Variants in NAV2 observed in about 807,000 individuals in gnomAD.
NAV2 encodes the protein neuron navigator 2.
A neutral mutation model predicts 223.2 loss-of-function variants in NAV2; 54 were observed. The observed-to-expected ratio is 0.24, with a 90% confidence interval of 0.19 to 0.30. NAV2 has a LOEUF of 0.30. Among genes scored for constraint, NAV2 ranks in the 10% least tolerant of loss-of-function variants. The pLI is 1.00. For synonymous variants in NAV2, 1,279 were observed against 1,239.3 expected, an observed-to-expected ratio of 1.03 and a Z score of -0.67; for missense variants, 2,806 against 3,147.5, an observed-to-expected ratio of 0.89 and a Z score of 2.60.
chr11:20,060,085 A>G (rs2058609308), intron 19 of NAV2, among the ~76,000 whole-genome samples: 1 of 152,248 alleles, frequency 6.6e-6, no homozygotes. Flanking sequence ...TAAGCCTGCC[A>G]GATGTGCTCT....
At chr11:19,787,284 T>A (rs1167774459) in intron 1 of NAV2, among the ~76,000 whole-genome samples, 3 of 142,208 alleles carry the variant, frequency 2.1e-5, no homozygotes, top group African/African-American at 5.3e-5. Flanking sequence ...TTTTTTTTTT[T>A]TTTTTTTTTT....
chr11:19,883,853 T>C (rs997844386), intron 5 of NAV2, among the ~76,000 whole-genome samples: 1 of 152,168 alleles, frequency 6.6e-6, no homozygotes, highest in Admixed American at 6.5e-5. Flanking sequence ...GGGTATAGGT[T>C]TGCAAACATC....
intron 5 of NAV2, among the ~76,000 whole-genome samples, chr11:19,886,404 A>T (rs2040982080): frequency 6.6e-6 from 1 of 152,056 alleles, no homozygotes; most frequent in Non-Finnish European, 1.5e-5. Flanking sequence ...CGTTACCCAG[A>T]CTCGGTGGAG....
At chr11:19,937,357 C>CCG (rs2045998149) in intron 7 of NAV2, among the ~76,000 whole-genome samples, 1 of 151,244 alleles carries the variant, frequency 6.6e-6, no homozygotes, top group African/African-American at 2.4e-5. Flanking sequence ...TTGCTCCCCC[C>CCG]CCGCCCACCA....
chr11:19,934,159 A>G lies in NAV2; in HGVS notation c.1915A>G (p.Ser639Gly), dbSNP rs755539725. Residue 639 changes from serine (S) to glycine (G), a missense_variant, in exon 7 of 38, where the codon AGT (serine) becomes GGT (glycine). By Grantham distance (56) the Ser-to-Gly change is moderately conservative (BLOSUM62 0). Around this residue, in one of 4 missense-constraint regions of NAV2, gnomAD observed 1,167 missense variants for 1,180.5 expected, o/e 0.99. Coordinates refer to ENST00000349880, the MANE Select transcript of NAV2 (RefSeq NM_145117.5). Reference sequence around the variant, plus strand: ...CCACAGCATCAGCAGCCAGACTGTCAGTGGGTCTGTCGGGACCACCCAGAC... The same window carrying G: ...CCACAGCATCAGCAGCCAGACTGTCGGTGGGTCTGTCGGGACCACCCAGAC... Reference protein sequence around the residue: ...LNHSISSQTVSGSVGTTQTTG... With the variant: ...LNHSISSQTVGGSVGTTQTTG... The G allele has an allele frequency of 1.5e-5, 24 of 1,613,834 alleles. No homozygotes were observed. The South Asian group carries it at 2.0e-4, about 13-fold the overall frequency.
chr11:19,482,045 C>G (rs1400162149), intron 1 of NAV2, among the ~76,000 whole-genome samples: 2 of 152,214 alleles, frequency 1.3e-5, no homozygotes, highest in Admixed American at 1.3e-4. Flanking sequence ...CTGCTTTTAA[C>G]AAAGAAGGAT....
chr11:19,606,481 T>G (rs1014766601), intron 1 of NAV2, among the ~76,000 whole-genome samples: 1 of 152,146 alleles, frequency 6.6e-6, no homozygotes, highest in African/African-American at 2.4e-5. Context: ...CATTTTCCAC[T>G]TTTTTCTCCC....
chr11:19,812,304 A>G (rs942022982), intron 1 of NAV2, among the ~76,000 whole-genome samples: 1 of 151,996 alleles, frequency 6.6e-6, no homozygotes, highest in African/African-American at 2.4e-5. Flanking sequence ...GTCTCTAATC[A>G]AATATTACCT....
intron 20 of NAV2, among the ~76,000 whole-genome samples, chr11:20,067,581 C>T (rs373637092): frequency 6.6e-6 from 1 of 151,860 alleles, no homozygotes; most frequent in South Asian, 2.1e-4. Flanking sequence ...GGGTTCAAGC[C>T]ATTCTCCTGC....
At chr11:19,645,108 C>T (rs917198829) in intron 1 of NAV2, among the ~76,000 whole-genome samples, 14 of 152,156 alleles carry the variant, frequency 9.2e-5, no homozygotes, top group African/African-American at 2.4e-4. Context: ...TTCACCAGGC[C>T]GAAATCAAGG....
intron 1 of NAV2, among the ~76,000 whole-genome samples, chr11:19,796,576 G>A (rs2057912747): frequency 6.6e-6 from 1 of 152,158 alleles, no homozygotes; most frequent in Non-Finnish European, 1.5e-5. Flanking sequence ...CAGCTGTTAG[G>A]AAGCTGAGCC....
At chr11:19,433,513 C>T (rs1396314073) in intron 1 of NAV2, among the ~76,000 whole-genome samples, 1 of 152,216 alleles carries the variant, frequency 6.6e-6, no homozygotes, top group East Asian at 1.9e-4. Context: ...TTGACTATTG[C>T]TTTTTAGGAC....
At chr11:19,782,587 CTT>C (rs2056826972) in intron 1 of NAV2, among the ~76,000 whole-genome samples, 2 of 152,236 alleles carry the variant, frequency 1.3e-5, no homozygotes, top group South Asian at 4.1e-4. Context: ...TGTGGCTAAG[CTT>C]TTCTTCAGGG....
intron 6 of NAV2, among the ~76,000 whole-genome samples, chr11:19,902,400 A>C (rs1591155849): frequency 6.6e-6 from 1 of 152,134 alleles, no homozygotes; most frequent in Non-Finnish European, 1.5e-5. Flanking sequence ...GTTTGTCTCT[A>C]AATATGGATA....
At chr11:19,585,246 A>C (rs1353546675) in intron 1 of NAV2, among the ~76,000 whole-genome samples, 1 of 151,892 alleles carries the variant, frequency 6.6e-6, no homozygotes, top group Non-Finnish European at 1.5e-5. Flanking sequence ...ATCTTCCTCC[A>C]TCCCTTTGTT....
chr11:19,854,059 G>A (rs1281768863), intron 3 of NAV2, among the ~76,000 whole-genome samples: 1 of 152,172 alleles, frequency 6.6e-6, no homozygotes, highest in Non-Finnish European at 1.5e-5. Context: ...CATAGCTGTA[G>A]ATCTGAGCTG....
At chr11:19,595,751 G>A (rs752991349) in intron 1 of NAV2, among the ~76,000 whole-genome samples, 4 of 151,334 alleles carry the variant, frequency 2.6e-5, no homozygotes, top group Non-Finnish European at 4.4e-5. Flanking sequence ...TTTTAGTGAT[G>A]GGGTCTCACT....
intron 1 of NAV2, among the ~76,000 whole-genome samples, chr11:19,450,884 G>A (rs1015374105): frequency 2.0e-5 from 3 of 152,170 alleles, no homozygotes; most frequent in Non-Finnish European, 2.9e-5. Flanking sequence ...GAAGCCACCT[G>A]TGCATTATGG....
intron 11 of NAV2, among the ~76,000 whole-genome samples, chr11:20,005,323 G>A (rs2052959385): frequency 6.7e-6 from 1 of 149,864 alleles, no homozygotes; most frequent in African/African-American, 2.4e-5. Context: ...CAATCTCAGA[G>A]GAACCTCTGC....
Sources: allele counts gnomAD v4.1 joint callset (sites outside exome capture counted in the v4.1 genomes callset), GRCh38; gene constraint gnomAD v4.1.1; regional missense constraint gnomAD v4.1.1; transcripts MANE v1.5; gene names NCBI Gene and HGNC (gene_info 2026-07-23, HGNC 2026-07-21).